The following GTF2H1 variants were observed in gnomAD, a reference collection of about 807,000 sequenced individuals.
GTF2H1 encodes the protein general transcription factor IIH subunit 1.
In GTF2H1, 16 loss-of-function variants were observed where a neutral mutation model predicts 71.2. The observed-to-expected ratio is 0.22, with a 90% CI of 0.15 to 0.34. The LOEUF is 0.34. Ranked by LOEUF, GTF2H1 falls within the 10% of genes least tolerant of loss-of-function variation. The pLI, the probability that GTF2H1 is intolerant of heterozygous loss-of-function variation, is 1.00. For missense variants in GTF2H1, 498 were observed against 648.2 expected (o/e 0.77, Z 2.52); for synonymous variants, 215 against 219.0 (o/e 0.98, Z 0.16).
At chr11:18,334,794 TTA>T (rs2133959873) in intron 2 of GTF2H1, among the ~76,000 whole-genome samples, 1 of 152,312 alleles carries the variant, frequency 6.6e-6, no homozygotes, top group East Asian at 1.9e-4. Context: ...CACCTAGATA[TTA>T]GTTATTATTT....
intron 4 of GTF2H1, among the ~76,000 whole-genome samples, chr11:18,338,631 C>CG (rs1023304598): frequency 3.3e-5 from 5 of 151,872 alleles, no homozygotes; most frequent in Admixed American, 1.3e-4. Flanking sequence ...TTTTATAGGG[C>CG]GGGGGGCAGC....
chr11:18,330,744 T>C (rs1045438492), intron 1 of GTF2H1, among the ~76,000 whole-genome samples: 3 of 152,210 alleles, frequency 2.0e-5, no homozygotes, highest in Non-Finnish European at 2.9e-5. Flanking sequence ...AGCACACATA[T>C]ACACACTTGC....
At chr11:18,323,346 G>A (rs1246009327) in intron 1 of GTF2H1, among the ~76,000 whole-genome samples, 2 of 151,786 alleles carry the variant, frequency 1.3e-5, no homozygotes, top group Admixed American at 1.3e-4. Flanking sequence ...GTCCTGGCTG[G>A]AATGCAGTGG....
At position 18,341,290 on chromosome 11, in the gene GTF2H1, C is replaced by T; in HGVS notation, c.637C>T (p.His213Tyr). Residue 213 changes from histidine (H) to tyrosine (Y), a missense_variant, in exon 6 of 15, where the codon CAC becomes TAC. By Grantham distance (83) the His-to-Tyr change is moderately conservative (BLOSUM62 2). Transcript: ENST00000265963. Reference sequence around the variant, plus strand: ...AATGAAATATGCAGAAAATGTTCCCCACAACATGACAGAGAAGGAATTCTG... The same window carrying T: ...AATGAAATATGCAGAAAATGTTCCCTACAACATGACAGAGAAGGAATTCTG... ...VKMKYAENVP[H>Y]NMTEKEFWTR... The T allele has an allele frequency of 6.2e-7, 1 of 1,612,882 alleles. No homozygotes were observed.
chr11:18,362,470 T>G (rs779103502), intron 14 of GTF2H1, among the ~76,000 whole-genome samples: 1 of 152,118 alleles, frequency 6.6e-6, no homozygotes, highest in Non-Finnish European at 1.5e-5. Context: ...TAGCCTTAGC[T>G]TACTATAACA....
In GTF2H1 at chr11:18,333,131, G is replaced by A. The variant is rs1253013742; in HGVS notation, c.57G>A (p.Lys19=). 6.2e-7 allele frequency: 1 copy of A among 1,612,974 alleles called. No homozygotes were observed. Among genetic ancestry groups the A allele is most frequent in the Non-Finnish European group, 8.5e-7 (1 of 1,179,780 alleles). Reference sequence around the variant, plus strand: ...TTGTAAAGAAAGTGCGTCAAAAGAAGCAGGATGGAGCTCTGTACCTCATGG... The same window carrying A: ...TTGTAAAGAAAGTGCGTCAAAAGAAACAGGATGGAGCTCTGTACCTCATGG... ...LLIVKKVRQK[K]QDGALYLMAE... is the part of the protein sequence containing the mutation. The change falls in exon 2 of 15, where the codon AAG becomes AAA. Residue 19 remains lysine, a synonymous_variant. Coordinates refer to ENST00000265963, the MANE Select transcript of GTF2H1 (RefSeq NM_005316.4).
chr11:18,337,669 A>C (rs1343355331), intron 3 of GTF2H1, among the ~76,000 whole-genome samples: 1 of 151,124 alleles, frequency 6.6e-6, no homozygotes, highest in Admixed American at 6.6e-5. Flanking sequence ...TGTATTTGAT[A>C]TTACAAATAG....
At chr11:18,346,648 T>A (rs957742730) in intron 7 of GTF2H1, among the ~76,000 whole-genome samples, 1 of 152,058 alleles carries the variant, frequency 6.6e-6, no homozygotes, top group Non-Finnish European at 1.5e-5. Flanking sequence ...CTTGCCTAGA[T>A]TAACGTTAGA....
chr11:18,355,281 T>C (rs1032045331), intron 11 of GTF2H1, among the ~76,000 whole-genome samples: 2 of 151,734 alleles, frequency 1.3e-5, no homozygotes, highest in South Asian at 2.1e-4. Flanking sequence ...TAGCTGGGAC[T>C]ATAGGCGCCC....
intron 12 of GTF2H1, 90 bp from the exon 13 acceptor site, chr11:18,358,435 A>G (rs1769117446): frequency 4.2e-6 from 3 of 722,012 alleles, no homozygotes; most frequent in African/African-American, 3.5e-5. Flanking sequence ...AAGAGTACAC[A>G]TTCAAATTTA....
chr11:18,349,287 A>G (rs1037163505), intron 9 of GTF2H1, among the ~76,000 whole-genome samples: 5 of 152,236 alleles, frequency 3.3e-5, no homozygotes, highest in Admixed American at 6.5e-5. Flanking sequence ...AGCAAAGCTA[A>G]TAATAAGTTA....
chr11:18,334,780 GC>G (rs1864985802), intron 2 of GTF2H1, among the ~76,000 whole-genome samples: 1 of 152,078 alleles, frequency 6.6e-6, no homozygotes, highest in Non-Finnish European at 1.5e-5. Flanking sequence ...TACGTAATAT[GC>G]CCCACCTAGA....
chr11:18,330,375 T>C (rs1465005033), intron 1 of GTF2H1, among the ~76,000 whole-genome samples: 1 of 152,218 alleles, frequency 6.6e-6, no homozygotes, highest in East Asian at 1.9e-4. Flanking sequence ...TAGGAAAATA[T>C]GTTGCAAGAA....
chr11:18,337,955 C>A (rs546800414), intron 3 of GTF2H1, among the ~76,000 whole-genome samples, 154 bp from the exon 4 acceptor site: 25 of 152,332 alleles, frequency 1.6e-4, no homozygotes, highest in Admixed American at 5.2e-4. Context: ...CTCTTAATTA[C>A]TGAAAAGTGA....
chr11:18,341,907 C>A, intron 7 of GTF2H1: 1 of 204,468 alleles, frequency 4.9e-6, no homozygotes, highest in Non-Finnish European at 9.8e-6. Flanking sequence ...TATGCTCTAG[C>A]TAACATTTAA....
At chr11:18,362,099 T>C (rs913174240) in intron 14 of GTF2H1, among the ~76,000 whole-genome samples, 4 of 152,232 alleles carry the variant, frequency 2.6e-5, no homozygotes, top group Non-Finnish European at 5.9e-5. Flanking sequence ...AAAACCTAGC[T>C]ATATAGCCTA....
At chr11:18,323,563 A>C (rs542625140) in intron 1 of GTF2H1, among the ~76,000 whole-genome samples, 2,623 of 152,078 alleles carry the variant, frequency 0.017, 56 homozygotes, top group African/African-American at 0.052. Context: ...AAAAACAAAA[A>C]CAAAAAAAAA....
intron 14 of GTF2H1, among the ~76,000 whole-genome samples, chr11:18,363,061 G>A (rs779104802): frequency 3.2e-4 from 48 of 151,982 alleles, no homozygotes; most frequent in Admixed American, 5.2e-4. Flanking sequence ...CACAGAGTCA[G>A]GATCATCACT....
chr11:18,329,844 A>T (rs962444756), intron 1 of GTF2H1, among the ~76,000 whole-genome samples: 1 of 152,220 alleles, frequency 6.6e-6, no homozygotes, highest in African/African-American at 2.4e-5. Context: ...ATACAACAAT[A>T]TGGTGGATTT....
Sources: allele counts gnomAD v4.1 joint callset (sites outside exome capture counted in the v4.1 genomes callset), GRCh38; gene constraint gnomAD v4.1.1; transcripts MANE v1.5; gene names NCBI Gene and HGNC (gene_info 2026-07-23, HGNC 2026-07-21).